The following HMGCLL1 variants were observed in gnomAD, a reference collection of about 807,000 sequenced individuals.
HMGCLL1 encodes 3-hydroxymethyl-3-methylglutaryl-CoA lyase, cytoplasmic.
Under a neutral mutation model 39.1 loss-of-function variants are expected in HMGCLL1, and 36 were observed. The observed-to-expected ratio is 0.92, with a 90% CI of 0.71 to 1.22. The LOEUF is 1.22. Among genes scored for constraint, HMGCLL1 ranks in the 50% most tolerant of loss-of-function variants. The probability of loss-of-function intolerance (pLI) is 0.00; values close to 1 mark genes in which losing one functional copy is unlikely to be tolerated. For synonymous variants in HMGCLL1, 149 were observed against 144.0 expected (o/e 1.03, Z -0.25); for missense variants, 451 against 416.5 (o/e 1.08, Z -0.72).
At chr6:55,649,593 A>T in the HMGCLL1 span, among the ~76,000 whole-genome samples, 4 of 151,794 alleles carry the variant, frequency 2.6e-5, no homozygotes, top group Admixed American at 6.6e-5. Context: ...CTGTTCTATA[A>T]TCTTCTTGTA....
At chr6:55,499,203 C>A in intron 6 of HMGCLL1, 33 bp downstream of exon 6, 3 of 1,555,626 alleles carry the variant, frequency 1.9e-6, no homozygotes, top group South Asian at 1.2e-5. Flanking sequence ...TATCATGTTA[C>A]CATAAACCAA....
chr6:55,503,625 C>T (rs1042774072), intron 5 of HMGCLL1, among the ~76,000 whole-genome samples: 1 of 151,642 alleles, frequency 6.6e-6, no homozygotes, highest in Non-Finnish European at 1.5e-5. Flanking sequence ...CCAGGATCAA[C>T]CCCAAAGTGC....
At chr6:55,647,031 T>C in the HMGCLL1 span, among the ~76,000 whole-genome samples, 1 of 152,044 alleles carries the variant, frequency 6.6e-6, no homozygotes, top group African/African-American at 2.4e-5. Context: ...TCTCTTTTTA[T>C]CTCTAGTAAT....
At chr6:55,530,467 C>T (rs1194832020) in intron 3 of HMGCLL1, among the ~76,000 whole-genome samples, 1 of 151,872 alleles carries the variant, frequency 6.6e-6, no homozygotes, top group Non-Finnish European at 1.5e-5. Flanking sequence ...TAATTCCAAT[C>T]AGTGATGAAT....
At chr6:55,606,942 G>T in the HMGCLL1 span, among the ~76,000 whole-genome samples, 1 of 152,168 alleles carries the variant, frequency 6.6e-6, no homozygotes, top group African/African-American at 2.4e-5. Flanking sequence ...GAGATTTGAA[G>T]ATGCTATGTT....
chr6:55,573,117 C>A, intron 1 of HMGCLL1, among the ~76,000 whole-genome samples: 1 of 152,214 alleles, frequency 6.6e-6, no homozygotes, highest in East Asian at 1.9e-4. Context: ...TGAATGACTG[C>A]AGAATACAAA....
intron 1 of HMGCLL1, among the ~76,000 whole-genome samples, chr6:55,561,583 G>A (rs1770949703): frequency 6.6e-6 from 1 of 152,066 alleles, no homozygotes; most frequent in Non-Finnish European, 1.5e-5. Context: ...TGATGCCGCT[G>A]ATCCAAGGAG....
chr6:55,620,309 C>G, the HMGCLL1 span, among the ~76,000 whole-genome samples: 1 of 152,080 alleles, frequency 6.6e-6, no homozygotes, highest in African/African-American at 2.4e-5. Context: ...ACATTCCCAC[C>G]AACAGTGTAC....
the HMGCLL1 span, among the ~76,000 whole-genome samples, chr6:55,597,174 G>A: frequency 6.6e-6 from 1 of 152,040 alleles, no homozygotes; most frequent in Non-Finnish European, 1.5e-5. Context: ...ACGTATGGAA[G>A]TGAAAATATT....
At chr6:55,503,943 C>G (rs892343863) in intron 5 of HMGCLL1, among the ~76,000 whole-genome samples, 65 of 151,680 alleles carry the variant, frequency 4.3e-4, no homozygotes, top group African/African-American at 1.6e-3. Context: ...CTCCTTGTTT[C>G]TAACCCCATG....
chr6:55,551,991 C>G (rs1444007906), intron 1 of HMGCLL1, among the ~76,000 whole-genome samples: 1 of 151,922 alleles, frequency 6.6e-6, no homozygotes, highest in Non-Finnish European at 1.5e-5. Context: ...GGACATTCTG[C>G]AGAACATCAC....
chr6:55,451,641 G>T (rs1581794504), intron 7 of HMGCLL1, among the ~76,000 whole-genome samples: 2 of 152,244 alleles, frequency 1.3e-5, no homozygotes, highest in South Asian at 4.1e-4. Context: ...ATAGAACTTA[G>T]AACTTAGGCC....
chr6:55,555,366 C>T (rs930506079), intron 1 of HMGCLL1, among the ~76,000 whole-genome samples: 1 of 152,134 alleles, frequency 6.6e-6, no homozygotes, highest in African/African-American at 2.4e-5. Context: ...AACGATCCCA[C>T]AACAAAAAGG....
intron 3 of HMGCLL1, among the ~76,000 whole-genome samples, chr6:55,539,419 GT>G (rs1433293548): frequency 6.6e-6 from 1 of 152,120 alleles, no homozygotes; most frequent in African/African-American, 2.4e-5. Flanking sequence ...ATTCACAACA[GT>G]AAAGACGTGT....
At chr6:55,658,376 A>G in the HMGCLL1 span, among the ~76,000 whole-genome samples, 59 of 152,004 alleles carry the variant, frequency 3.9e-4, no homozygotes, top group African/African-American at 1.4e-3. Flanking sequence ...TCTGATCCTA[A>G]ATTGAATAAT....
At chr6:55,477,176 AT>A (rs1765350540) in intron 7 of HMGCLL1, among the ~76,000 whole-genome samples, 4 of 40,342 alleles carry the variant, frequency 9.9e-5, no homozygotes, top group East Asian at 1.2e-3. Flanking sequence ...TATAATATAT[AT>A]TATATTTATA....
At chr6:55,569,651 C>T (rs945711380) in intron 1 of HMGCLL1, among the ~76,000 whole-genome samples, 6 of 152,158 alleles carry the variant, frequency 3.9e-5, no homozygotes, top group South Asian at 4.1e-4. Flanking sequence ...CAGGGAGTGC[C>T]GGGTTCATAT....
chr6:55,583,945 TGA>T (rs1230921747), upstream of HMGCLL1, among the ~76,000 whole-genome samples: 1 of 152,100 alleles, frequency 6.6e-6, no homozygotes, highest in East Asian at 1.9e-4. Flanking sequence ...CAGAACCAGG[TGA>T]CCTTTTTTTC....
In HMGCLL1 at chr6:55,532,811, ATAATAAT is replaced by A; in HGVS notation, c.297+8911_297+8917del. Among the ~76,000 whole-genome samples, 2 of 10,692 alleles carry A rather than the reference ATAATAAT, an allele frequency of 1.9e-4. 1 individual carries two copies. The highest frequency in any genetic ancestry group is 3.6e-3 in the Admixed American group (2 of 558). 7.0% of individuals were successfully genotyped at this position (10,692 alleles called of 152,430 possible). A position where few individuals can be genotyped will look rare whatever the true frequency, so the allele number is the denominator to read the frequency against. ...GCAAGACTCTGTCTCAAACATAATA[ATAATAAT>A]AATAATAATAATAATAATAATAATA... On this transcript the variant is annotated intron_variant, in intron 3 of 8. Transcript: ENST00000274901.
Sources: allele counts gnomAD v4.1 joint callset (sites outside exome capture counted in the v4.1 genomes callset), GRCh38; gene constraint gnomAD v4.1.1; transcripts MANE v1.5; gene names NCBI Gene and HGNC (gene_info 2026-07-23, HGNC 2026-07-21).